The following TNS3 variants were observed in gnomAD, a reference collection of about 807,000 sequenced individuals.
TNS3 encodes tensin-3.
A neutral mutation model predicts 140.9 loss-of-function variants in TNS3; 45 were observed. The observed-to-expected ratio is 0.32, with a 90% CI of 0.25 to 0.41. The LOEUF is 0.41. TNS3 is among the 10% of genes least tolerant of loss of function. The probability of loss-of-function intolerance (pLI) is 1.00; values close to 1 mark genes in which losing one functional copy is unlikely to be tolerated. For synonymous variants in TNS3, 815 were observed against 788.4 expected (o/e 1.03, Z -0.56); for missense variants, 1,716 against 1,906.7 (o/e 0.90, Z 1.86).
chr7:47,344,676 T>G (rs1172162900), intron 20 of TNS3, 79 bp downstream of exon 20: 27 of 1,271,604 alleles, frequency 2.1e-5, no homozygotes, highest in Middle Eastern at 2.8e-4. Context: ...TGCATACGAG[T>G]TCTTCTCTGT....
chr7:47,279,126 T>A (rs932018430), intron 30 of TNS3: 2 of 152,296 alleles, frequency 1.3e-5, no homozygotes, highest in African/African-American at 2.4e-5. Flanking sequence ...TCTCTTCTCC[T>A]TCTCCCCGCT....
At chr7:47,411,282 A>G (rs1189443396) in intron 13 of TNS3, among the ~76,000 whole-genome samples, 1 of 152,246 alleles carries the variant, frequency 6.6e-6, no homozygotes, top group Non-Finnish European at 1.5e-5. Context: ...GCCTTAAGGC[A>G]GTGGTCACCA....
intron 12 of TNS3, among the ~76,000 whole-genome samples, chr7:47,413,152 C>A (rs905034463): frequency 6.6e-6 from 1 of 151,532 alleles, no homozygotes; most frequent in Non-Finnish European, 1.5e-5. Context: ...CGGGATTTCA[C>A]CATATTGGCC....
Position 47,327,931 on chromosome 7 carries a change from C to A in TNS3, c.2650+16824G>T, listed in dbSNP as rs573897405. 3.9e-5 allele frequency among the ~76,000 whole-genome samples: 6 copies of A among 152,260 alleles called. No individual in the cohort carries two copies. The South Asian group carries it at 1.2e-3, about 32-fold the overall frequency. On this transcript the variant is annotated intron_variant, in intron 20 of 30. Coordinates refer to ENST00000311160, the MANE Select transcript of TNS3 (RefSeq NM_022748.12). Reference sequence around the variant, plus strand: ...CGCCAGGAGCACAGAAGACACCAGGCGTGTAGGGACTGAGCAGGAAGAAGC... The same window carrying A: ...CGCCAGGAGCACAGAAGACACCAGGAGTGTAGGGACTGAGCAGGAAGAAGC...
chr7:47,420,523 C>T (rs555382850), intron 10 of TNS3, among the ~76,000 whole-genome samples: 6 of 152,286 alleles, frequency 3.9e-5, no homozygotes, highest in Admixed American at 3.9e-4. Context: ...ACTTCCTAAA[C>T]ATACTGCATG....
At chr7:47,321,557 T>C (rs764000002) in intron 20 of TNS3, among the ~76,000 whole-genome samples, 1 of 152,188 alleles carries the variant, frequency 6.6e-6, no homozygotes, top group African/African-American at 2.4e-5. Flanking sequence ...ATGTTCCAAT[T>C]AATAAGATAA....
chr7:47,404,536 G>C (rs1793336640), intron 13 of TNS3, among the ~76,000 whole-genome samples: 1 of 152,152 alleles, frequency 6.6e-6, no homozygotes, highest in Non-Finnish European at 1.5e-5. Flanking sequence ...CTTTTAGTCT[G>C]ATGAGGCAAT....
At chr7:47,365,073 G>C (rs1441061189) in intron 17 of TNS3, among the ~76,000 whole-genome samples, 1 of 152,198 alleles carries the variant, frequency 6.6e-6, no homozygotes, top group African/African-American at 2.4e-5. Flanking sequence ...GTTGAGATAT[G>C]AAAGTCCTTA....
At chr7:47,326,692 G>A (rs531677985) in intron 20 of TNS3, among the ~76,000 whole-genome samples, 8 of 152,216 alleles carry the variant, frequency 5.3e-5, no homozygotes, top group South Asian at 2.1e-4. Context: ...AACTATGTCC[G>A]TCCTAACCAG....
intron 20 of TNS3, among the ~76,000 whole-genome samples, chr7:47,316,639 G>C (rs1301006824): frequency 6.6e-6 from 1 of 151,068 alleles, no homozygotes; most frequent in Non-Finnish European, 1.5e-5. Flanking sequence ...GACCAGCCTG[G>C]CCAACATTGT....
intron 17 of TNS3, among the ~76,000 whole-genome samples, chr7:47,349,440 G>A (rs779521619): frequency 7.9e-4 from 120 of 152,350 alleles, no homozygotes; most frequent in Middle Eastern, 6.8e-3. Context: ...CACAATGGAG[G>A]GAACTCAGCG....
chr7:47,306,358 C>T (rs1270774791), intron 20 of TNS3, among the ~76,000 whole-genome samples: 1 of 152,130 alleles, frequency 6.6e-6, no homozygotes, highest in Admixed American at 6.5e-5. Context: ...AAATTGATCT[C>T]TACAGAATTT....
intron 13 of TNS3, 87 bp from the exon 14 acceptor site, chr7:47,401,001 C>G: frequency 6.4e-7 from 1 of 1,560,024 alleles, no homozygotes; most frequent in South Asian, 1.2e-5. Context: ...GAGGCCGGCA[C>G]AGCAGGGCCT....
In TNS3 at chr7:47,442,546, G is replaced by A. The variant is rs192613906; in HGVS notation, c.-75-491C>T. On this transcript the variant is annotated intron_variant, in intron 4 of 30. Transcript: ENST00000311160. ...CTTTATAGTTATATAACTCTTCCTT[G>A]TGTGTAAGGGTTGTTATATACTATG... Among the ~76,000 whole-genome samples the A allele has an allele frequency of 2.6e-3, 395 of 152,358 alleles. 1 individual carries two copies. The highest frequency in any genetic ancestry group is 7.0e-3 in the Admixed American group (107 of 15,304).
intron 20 of TNS3, among the ~76,000 whole-genome samples, chr7:47,306,392 T>C (rs576564128): frequency 7.6e-4 from 116 of 152,342 alleles, no homozygotes; most frequent in African/African-American, 2.7e-3. Context: ...ACAAATGGAA[T>C]GCACTTCACT....
intron 1 of TNS3, among the ~76,000 whole-genome samples, chr7:47,543,108 C>G (rs779188496): frequency 3.9e-5 from 6 of 152,290 alleles, no homozygotes; most frequent in East Asian, 1.9e-4. Context: ...GACACTGTCT[C>G]TAGGGGCAGG....
At chr7:47,484,497 G>A (rs1409488274) in intron 3 of TNS3, among the ~76,000 whole-genome samples, 5 of 152,154 alleles carry the variant, frequency 3.3e-5, no homozygotes, top group Non-Finnish European at 7.3e-5. Context: ...AGGATGAGGC[G>A]GCCGGGCTGG....
chr7:47,360,241 A>G (rs13234739), intron 17 of TNS3, among the ~76,000 whole-genome samples: 116,529 of 152,016 alleles, frequency 0.77, 45,281 homozygotes, highest in Non-Finnish European at 0.84. Flanking sequence ...CATACACATG[A>G]CCTGTTCATA....
At chr7:47,332,175 A>ATT (rs1447773964) in intron 20 of TNS3, among the ~76,000 whole-genome samples, 1 of 152,194 alleles carries the variant, frequency 6.6e-6, no homozygotes, top group African/African-American at 2.4e-5. Flanking sequence ...ATGCCCAGGC[A>ATT]TTTTACCTCT....
Sources: allele counts gnomAD v4.1 joint callset (sites outside exome capture counted in the v4.1 genomes callset), GRCh38; gene constraint gnomAD v4.1.1; transcripts MANE v1.5; gene names NCBI Gene and HGNC (gene_info 2026-07-23, HGNC 2026-07-21).